Variants in EPB41 observed in about 807,000 individuals in gnomAD.
EPB41 encodes erythrocyte membrane protein band 4.1, also known as protein 4.1.
A neutral mutation model predicts 108.0 loss-of-function variants in EPB41; 65 were observed. That is an observed-to-expected ratio of 0.60 (90% confidence interval 0.49 to 0.74). The LOEUF is 0.74. Ranked by LOEUF, EPB41 falls within the 30% of genes least tolerant of loss-of-function variation. The pLI is 0.00. For synonymous variants in EPB41, 336 were observed against 358.9 expected, an observed-to-expected ratio of 0.94 and a Z score of 0.72; for missense variants, 875 against 1,037.0, an observed-to-expected ratio of 0.84 and a Z score of 2.15.
intron 11 of EPB41, among the ~76,000 whole-genome samples, chr1:29,039,771 G>A (rs1302138221): frequency 6.6e-6 from 1 of 152,132 alleles, no homozygotes; most frequent in Non-Finnish European, 1.5e-5. Flanking sequence ...CCGAGATCAT[G>A]CCGTTGCACT....
intron 11 of EPB41, among the ~76,000 whole-genome samples, chr1:29,050,224 T>C (rs1426787255): frequency 6.6e-6 from 1 of 152,360 alleles, no homozygotes. Flanking sequence ...ATTGTAATGT[T>C]ATTATTTTTC....
intron 15 of EPB41, among the ~76,000 whole-genome samples, chr1:29,063,413 G>A (rs1210874544): frequency 6.6e-6 from 1 of 152,040 alleles, no homozygotes; most frequent in African/African-American, 2.4e-5. Context: ...AGGTATACAT[G>A]GTTCAGTCTT....
intron 10 of EPB41, among the ~76,000 whole-genome samples, chr1:29,037,854 GTTTC>G (rs1310644518): frequency 2.7e-5 from 4 of 146,324 alleles, no homozygotes; most frequent in African/African-American, 9.8e-5. Context: ...TTTTAAGAAC[GTTTC>G]TTTATTATGG....
intron 1 of EPB41, among the ~76,000 whole-genome samples, chr1:28,892,131 T>C (rs2090187969): frequency 6.7e-6 from 1 of 148,692 alleles, no homozygotes; most frequent in South Asian, 2.1e-4. Flanking sequence ...ACACCACCAT[T>C]TATTGCACAG....
At chr1:29,056,548 C>T (rs950732108) in intron 12 of EPB41, among the ~76,000 whole-genome samples, 9 of 151,800 alleles carry the variant, frequency 5.9e-5, no homozygotes, top group Admixed American at 1.3e-4. Flanking sequence ...TTTTTTGAGA[C>T]GGAGTCTTGC....
intron 12 of EPB41, among the ~76,000 whole-genome samples, chr1:29,054,760 G>A (rs1255191742): frequency 6.6e-6 from 1 of 152,188 alleles, no homozygotes; most frequent in Non-Finnish European, 1.5e-5. Context: ...TGAGACAGAA[G>A]GATAGCTTGA....
chr1:28,969,084 CTTTT>C (rs35558417), intron 1 of EPB41, among the ~76,000 whole-genome samples: 1 of 134,646 alleles, frequency 7.4e-6, no homozygotes. Flanking sequence ...TCATGCCGTA[CTTTT>C]TTTTTTTTTT....
intron 7 of EPB41, among the ~76,000 whole-genome samples, chr1:29,026,767 A>G (rs200739686): frequency 1.2e-4 from 19 of 152,092 alleles, no homozygotes; most frequent in African/African-American, 4.1e-4. Context: ...TGATGGTGCC[A>G]CTGCACTCCA....
intron 4 of EPB41, among the ~76,000 whole-genome samples, chr1:29,011,080 C>CGCCA (rs1558012070): frequency 7.1e-6 from 1 of 140,336 alleles, no homozygotes; most frequent in African/African-American, 2.7e-5. Flanking sequence ...ATCGAGATTG[C>CGCCA]GCCATTGCTC....
At chr1:29,088,648 C>G (rs1387727452) in intron 16 of EPB41, among the ~76,000 whole-genome samples, 1 of 152,020 alleles carries the variant, frequency 6.6e-6, no homozygotes, top group African/African-American at 2.4e-5. Context: ...GTCATGGAGA[C>G]TTTATATTTT....
intron 2 of EPB41, among the ~76,000 whole-genome samples, chr1:28,991,398 G>A (rs943962203): frequency 6.6e-6 from 1 of 151,910 alleles, no homozygotes; most frequent in African/African-American, 2.4e-5. Flanking sequence ...ATATGGTGAA[G>A]AGGTTTAAAA....
intron 1 of EPB41, among the ~76,000 whole-genome samples, chr1:28,905,949 C>T (rs1294865795): frequency 6.6e-6 from 1 of 151,704 alleles, no homozygotes; most frequent in Non-Finnish European, 1.5e-5. Context: ...TCCAGAGTAG[C>T]TGGTACTACA....
At chr1:29,078,014 G>T (rs1189659076) in intron 16 of EPB41, among the ~76,000 whole-genome samples, 1 of 152,120 alleles carries the variant, frequency 6.6e-6, no homozygotes, top group South Asian at 2.1e-4. Flanking sequence ...ATCATTTAAG[G>T]TCAGGAGTTT....
At chr1:29,035,059 G>A (rs575488208) in intron 9 of EPB41, among the ~76,000 whole-genome samples, 6 of 132,124 alleles carry the variant, frequency 4.5e-5, no homozygotes, top group Non-Finnish European at 9.3e-5. Context: ...TCAGCTCACC[G>A]CAACCTCTAC....
At chr1:28,894,514 C>G (rs1006418709) in intron 1 of EPB41, among the ~76,000 whole-genome samples, 4 of 152,124 alleles carry the variant, frequency 2.6e-5, no homozygotes, top group Non-Finnish European at 5.9e-5. Flanking sequence ...AAGTACCAAG[C>G]ATGTATCAAT....
intron 1 of EPB41, among the ~76,000 whole-genome samples, chr1:28,944,710 T>TA (rs775707069): frequency 1.3e-4 from 20 of 151,936 alleles, no homozygotes; most frequent in East Asian, 5.9e-4. Flanking sequence ...CTAATTTTTG[T>TA]ATTTAGTAGA....
At chr1:28,969,376 C>T (rs141128287) in intron 1 of EPB41, among the ~76,000 whole-genome samples, 3,522 of 152,176 alleles carry the variant, frequency 0.023, 65 homozygotes, top group Admixed American at 0.038. Context: ...TGAGCCACCA[C>T]GCCCAGCCCA....
At chr1:28,979,095 C>T (rs2095673443) in intron 1 of EPB41, among the ~76,000 whole-genome samples, 1 of 151,510 alleles carries the variant, frequency 6.6e-6, no homozygotes, top group African/African-American at 2.4e-5. Flanking sequence ...AGCTGAATGT[C>T]ATTCCTTTTA....
At chr1:29,025,801 G>C (rs2150183580) in intron 7 of EPB41, among the ~76,000 whole-genome samples, 1 of 151,896 alleles carries the variant, frequency 6.6e-6, no homozygotes, top group Admixed American at 6.6e-5. Flanking sequence ...GGGCAGTCTG[G>C]CTTGGGATAT....
Sources: gnomAD v4.1 joint callset for allele counts (sites outside exome capture counted in the v4.1 genomes callset) on GRCh38, gnomAD v4.1.1 for gene constraint, MANE v1.5 for transcripts, NCBI Gene and HGNC (gene_info 2026-07-23, HGNC 2026-07-21) for gene names.